DLG5: variants seen among roughly 807,000 people sequenced by gnomAD.
DLG5 encodes disks large homolog 5.
A neutral mutation model predicts 189.8 loss-of-function variants in DLG5; 48 were observed. The ratio of observed to expected loss-of-function variants is 0.25; its 90% CI spans 0.20 to 0.32. The LOEUF is 0.32. Ranked by LOEUF, DLG5 falls within the 10% of genes least tolerant of loss-of-function variation. The pLI is 1.00. For missense variants in DLG5, 2,160 were observed against 2,544.7 expected (o/e 0.85, Z 3.25); for synonymous variants, 1,016 against 1,054.1 (o/e 0.96, Z 0.70).
Position 77,861,399 on chromosome 10 carries a change from C to T in DLG5, c.374-4507G>A, listed in dbSNP as rs72815397. On this transcript the variant is annotated intron_variant, in intron 2 of 31. Transcript: ENST00000372391. ...GGGGAGACAAGAAATTTTGAATTTT[C>T]ATCCCCATTGTATAAACGAGGCAAC... Among the ~76,000 whole-genome samples, 1,505 of 152,324 alleles carry T rather than the reference C, an allele frequency of 9.9e-3. 19 individuals are homozygous for T. The highest frequency in any genetic ancestry group is 0.013 in the Non-Finnish European group (914 of 68,024).
chr10:77,905,907 C>A (rs1341886186), intron 1 of DLG5, among the ~76,000 whole-genome samples: 5 of 152,230 alleles, frequency 3.3e-5, no homozygotes, highest in Non-Finnish European at 5.9e-5. Flanking sequence ...AATAGCACTG[C>A]ACCATCCATG....
chr10:77,825,586 C>G (rs1017661227), intron 13 of DLG5, among the ~76,000 whole-genome samples: 1 of 151,246 alleles, frequency 6.6e-6, no homozygotes, highest in African/African-American at 2.4e-5. Context: ...GATGGAGTCT[C>G]GCTCTGTCCC....
chr10:77,833,799 G>T, intron 9 of DLG5, 115 bp downstream of exon 9: 1 of 1,453,178 alleles, frequency 6.9e-7, no homozygotes, highest in South Asian at 1.3e-5. Flanking sequence ...CAGCCAGCTC[G>T]ACGCAGAAGG....
chr10:77,808,924 GTC>G (rs1841613380), intron 24 of DLG5, among the ~76,000 whole-genome samples: 1 of 148,816 alleles, frequency 6.7e-6, no homozygotes, highest in Admixed American at 6.7e-5. Flanking sequence ...ATGAAACCCC[GTC>G]TCTACAAAAA....
At chr10:77,829,616 T>C in intron 11 of DLG5, 86 bp from the exon 12 acceptor site, 1 of 1,453,436 alleles carries the variant, frequency 6.9e-7, no homozygotes, top group Non-Finnish European at 9.3e-7. Flanking sequence ...GGGGGCTGAC[T>C]GCCAAGGAGT....
chr10:77,798,195 T>C (rs982446119), intron 27 of DLG5, among the ~76,000 whole-genome samples: 5 of 152,166 alleles, frequency 3.3e-5, no homozygotes, highest in African/African-American at 1.2e-4. Context: ...TCAATAAAAA[T>C]AAATAAAATA....
chr10:77,936,441 CAAAACAAAAAA>C, the DLG5 span, among the ~76,000 whole-genome samples: 79 of 87,840 alleles, frequency 9.0e-4, no homozygotes, highest in Middle Eastern at 5.7e-3. Flanking sequence ...CGTCTCAAAA[CAAAACAAAAAA>C]AAAAAAAAAA....
intron 1 of DLG5, among the ~76,000 whole-genome samples, chr10:77,924,463 G>A (rs528107159): frequency 2.6e-5 from 4 of 152,258 alleles, no homozygotes; most frequent in South Asian, 4.1e-4. Context: ...TAAGGCGAGC[G>A]TTGATTCACA....
At chr10:77,904,871 G>A (rs1346837374) in intron 1 of DLG5, among the ~76,000 whole-genome samples, 3 of 151,270 alleles carry the variant, frequency 2.0e-5, no homozygotes, top group Non-Finnish European at 4.4e-5. Context: ...GCTCAGGCCT[G>A]TAATCCCAAC....
chr10:77,877,100 A>T (rs554875345), intron 1 of DLG5, among the ~76,000 whole-genome samples: 20 of 152,142 alleles, frequency 1.3e-4, no homozygotes, highest in Non-Finnish European at 2.4e-4. Context: ...AAAATAATGA[A>T]CTAAATTGCC....
chr10:77,844,546 C>T (rs1050280688), intron 5 of DLG5, among the ~76,000 whole-genome samples: 1 of 152,118 alleles, frequency 6.6e-6, no homozygotes, highest in Non-Finnish European at 1.5e-5. Flanking sequence ...GTGTAGGGTC[C>T]CCCCGCATCC....
intron 23 of DLG5, among the ~76,000 whole-genome samples, chr10:77,810,728 T>C (rs1841721508): frequency 6.6e-6 from 1 of 152,220 alleles, no homozygotes; most frequent in South Asian, 2.1e-4. Context: ...TGCCCGGCAC[T>C]GGTCTGCCAC....
chr10:77,835,488 C>T (rs77643354), intron 8 of DLG5, among the ~76,000 whole-genome samples: 5,425 of 152,300 alleles, frequency 0.036, 314 homozygotes, highest in African/African-American at 0.12. Flanking sequence ...CCCTTCACAG[C>T]GGTCTCACGT....
chr10:77,879,489 T>C (rs1038178865), intron 1 of DLG5, among the ~76,000 whole-genome samples: 5 of 151,882 alleles, frequency 3.3e-5, no homozygotes, highest in African/African-American at 9.7e-5. Flanking sequence ...AGATGATTTG[T>C]TGAATGTTGT....
intron 1 of DLG5, among the ~76,000 whole-genome samples, chr10:77,924,954 C>G (rs930909318): frequency 6.6e-6 from 1 of 152,136 alleles, no homozygotes; most frequent in African/African-American, 2.4e-5. Context: ...CTTTTAACAG[C>G]CAAATAAATG....
intron 1 of DLG5, among the ~76,000 whole-genome samples, chr10:77,899,108 T>C (rs1009276781): frequency 1.3e-5 from 2 of 152,200 alleles, no homozygotes; most frequent in Non-Finnish European, 2.9e-5. Context: ...CCCATCCGCC[T>C]TGAAGTTGGC....
At chr10:77,807,737 T>C in intron 25 of DLG5, 59 bp downstream of exon 25, 1 of 1,568,614 alleles carries the variant, frequency 6.4e-7, no homozygotes, top group South Asian at 1.2e-5. Context: ...GAAAAGAGTC[T>C]CCAGTGAAAG....
chr10:77,919,254 T>C (rs1247878403), intron 1 of DLG5, among the ~76,000 whole-genome samples: 1 of 151,998 alleles, frequency 6.6e-6, no homozygotes, highest in African/African-American at 2.4e-5. Context: ...ACAAAATATT[T>C]ATCCTACTCT....
At chr10:77,884,720 T>C (rs1000767101) in intron 1 of DLG5, among the ~76,000 whole-genome samples, 3 of 151,970 alleles carry the variant, frequency 2.0e-5, no homozygotes, top group African/African-American at 7.3e-5. Context: ...AAACAGAAAG[T>C]CTGAGAGTTT....
Sources: allele counts gnomAD v4.1 joint callset (sites outside exome capture counted in the v4.1 genomes callset), GRCh38; gene constraint gnomAD v4.1.1; transcripts MANE v1.5; gene names NCBI Gene and HGNC (gene_info 2026-07-23, HGNC 2026-07-21).